The following TDRD3 variants were observed in gnomAD, a reference collection of about 807,000 sequenced individuals.
The protein encoded by TDRD3 is tudor domain-containing protein 3.
Under a neutral mutation model 86.7 loss-of-function variants are expected in TDRD3, and 45 were observed. That is an observed-to-expected ratio of 0.52 (90% CI 0.41 to 0.67). The LOEUF is 0.67. Among genes scored for constraint, TDRD3 ranks in the 30% least tolerant of loss-of-function variants. The pLI is 0.00. For missense variants in TDRD3, 814 were observed against 889.0 expected (o/e 0.92, Z 1.07); for synonymous variants, 298 against 301.7 (o/e 0.99, Z 0.13).
rs144553916 is a variant in TDRD3 at position 60,452,595 on chromosome 13, TA to T, written c.193-7784del. 4.0e-3 allele frequency among the ~76,000 whole-genome samples: 603 copies of T among 152,228 alleles called. 7 individuals are homozygous for T. Among genetic ancestry groups the T allele is most frequent in the African/African-American group, 0.013 (549 of 41,576 alleles). Reference sequence around the variant, plus strand: ...ATCTGGTTTCTTTCATTTAGTGTAATATTTTTTAGGATAATCGATAACATAG... The same window carrying T: ...ATCTGGTTTCTTTCATTTAGTGTAATTTTTTTAGGATAATCGATAACATAG... On this transcript the variant is annotated intron_variant, in intron 3 of 13. Transcript: ENST00000377881.
chr13:60,451,240 G>C (rs1037566396), intron 3 of TDRD3, among the ~76,000 whole-genome samples: 3 of 152,176 alleles, frequency 2.0e-5, no homozygotes, highest in Admixed American at 2.0e-4. Context: ...GTCAGGTGTA[G>C]CTGCCTTGGA....
chr13:60,562,171 G>C (rs764358357), intron 12 of TDRD3, among the ~76,000 whole-genome samples: 3 of 151,900 alleles, frequency 2.0e-5, no homozygotes, highest in African/African-American at 7.3e-5. Flanking sequence ...AAATTATCTG[G>C]GTTTGGTGGT....
rs1462516224 is a variant in TDRD3, at chr13:60,528,357, T to C, written c.1142-10T>C. The stretch of plus-strand genomic sequence containing the variant: ...TCTTAATTTGCATATGGTATACTTT[T>C]ACCTTTCAGAACCTAAATCACAGCC... On this transcript the variant is annotated splice_polypyrimidine_tract_variant and intron_variant, in intron 10 of 13. Coordinates refer to ENST00000377881, the MANE Select transcript of TDRD3 (RefSeq NM_001146070.2). 1.3e-6 allele frequency: 2 copies of C among 1,587,206 alleles called. No homozygotes were observed. Among genetic ancestry groups the C allele is most frequent in the Non-Finnish European group, 1.7e-6 (2 of 1,167,880 alleles).
At chr13:60,519,550 C>A (rs1371577576) in intron 10 of TDRD3, among the ~76,000 whole-genome samples, 2 of 151,922 alleles carry the variant, frequency 1.3e-5, no homozygotes, top group African/African-American at 4.8e-5. Flanking sequence ...GTTTTTTTAA[C>A]CCTGGCAGAA....
Position 60,425,250 on chromosome 13 carries a change from G to T in TDRD3, c.42-14438G>T, listed in dbSNP as rs535680027. Among the ~76,000 whole-genome samples, 339 of 152,284 alleles carry T rather than the reference G, an allele frequency of 2.2e-3. 7 individuals carry two copies. The highest frequency in any genetic ancestry group is 6.8e-3 in the Middle Eastern group (2 of 294). On this transcript the variant is annotated intron_variant, in intron 1 of 13. Transcript: ENST00000377881. ...GAAGACATAAAAATGTCTAAGAGGT[G>T]TATGAAAAGGTGCTCAAGATCACGA...
intron 7 of TDRD3, among the ~76,000 whole-genome samples, chr13:60,488,639 T>A (rs142915926): frequency 1.6e-3 from 236 of 152,248 alleles, no homozygotes; most frequent in African/African-American, 5.3e-3. Context: ...AGTGGCGCGA[T>A]CTTGGCTCAC....
chr13:60,473,409 G>A (rs897862857), intron 5 of TDRD3, among the ~76,000 whole-genome samples: 2 of 152,156 alleles, frequency 1.3e-5, no homozygotes, highest in African/African-American at 4.8e-5. Flanking sequence ...TAAATGAATT[G>A]CATTTTTTAA....
chr13:60,487,744 T>C (rs553679937), intron 7 of TDRD3, among the ~76,000 whole-genome samples: 1 of 152,264 alleles, frequency 6.6e-6, no homozygotes, highest in South Asian at 2.1e-4. Context: ...ATGGGAGATA[T>C]CTCTTTGACC....
chr13:60,408,089 CTG>C (rs1954276611), intron 1 of TDRD3, among the ~76,000 whole-genome samples: 1 of 151,926 alleles, frequency 6.6e-6, no homozygotes, highest in Non-Finnish European at 1.5e-5. Flanking sequence ...CCGTGTGGAA[CTG>C]TAAGCCCAAA....
At chr13:60,459,113 T>C (rs1199789950) in intron 3 of TDRD3, among the ~76,000 whole-genome samples, 3 of 152,194 alleles carry the variant, frequency 2.0e-5, no homozygotes, top group Non-Finnish European at 2.9e-5. Flanking sequence ...AAATTACTCC[T>C]TTTTTAGGCA....
intron 8 of TDRD3, among the ~76,000 whole-genome samples, chr13:60,499,295 C>G (rs1197190113): frequency 6.6e-6 from 1 of 152,186 alleles, no homozygotes; most frequent in Non-Finnish European, 1.5e-5. Flanking sequence ...GTGGTGACTC[C>G]AATTGCAGCT....
intron 12 of TDRD3, among the ~76,000 whole-genome samples, chr13:60,557,133 G>A (rs1958206930): frequency 6.6e-6 from 1 of 150,914 alleles, no homozygotes; most frequent in Admixed American, 6.6e-5. Context: ...TTGAACCCAG[G>A]AGGCGGAGCT....
chr13:60,471,416 CTG>C (rs1038865547), intron 5 of TDRD3, among the ~76,000 whole-genome samples: 27 of 152,058 alleles, frequency 1.8e-4, no homozygotes, highest in Middle Eastern at 3.2e-3. Context: ...TTATGCCACA[CTG>C]TTTTGATTAC....
At chr13:60,506,340 TGA>T (rs930097636) in intron 8 of TDRD3, among the ~76,000 whole-genome samples, 35 of 152,174 alleles carry the variant, frequency 2.3e-4, no homozygotes, top group Admixed American at 1.5e-3. Context: ...AAGAAAATGC[TGA>T]GAGATTTTAT....
At chr13:60,508,722 T>C (rs960764944) in intron 8 of TDRD3, among the ~76,000 whole-genome samples, 4 of 152,096 alleles carry the variant, frequency 2.6e-5, no homozygotes, top group Non-Finnish European at 5.9e-5. Context: ...ATATATTTCT[T>C]GTGAAAAAAG....
At chr13:60,484,674 A>ATTT in intron 6 of TDRD3, 6 of 388,634 alleles carry the variant, frequency 1.5e-5, no homozygotes, top group Admixed American at 8.6e-5. Flanking sequence ...AATAATGTTG[A>ATTT]TTTTTTTTTT....
intron 1 of TDRD3, among the ~76,000 whole-genome samples, chr13:60,409,826 G>A (rs1273717084): frequency 1.3e-5 from 2 of 152,160 alleles, no homozygotes; most frequent in African/African-American, 2.4e-5. Flanking sequence ...TGGACTGTTC[G>A]GAAGGCATGA....
In TDRD3 at chr13:60,441,092, T is replaced by C. The variant is rs1038628466; in HGVS notation, c.126+1320T>C. Reference sequence around the variant, plus strand: ...CTGAGCTAAGTATTTAGGTTTTTAATAAATAAAAGACTAATTTTTTAATAA... The same window carrying C: ...CTGAGCTAAGTATTTAGGTTTTTAACAAATAAAAGACTAATTTTTTAATAA... On this transcript the variant is annotated intron_variant, in intron 2 of 13. Transcript: ENST00000377881. Among the ~76,000 whole-genome samples, 6 of 152,264 alleles carry C rather than the reference T, an allele frequency of 3.9e-5. No homozygotes were observed. The East Asian group carries it at 1.2e-3, about 29-fold the overall frequency.
chr13:60,486,015 G>T, intron 7 of TDRD3, 67 bp downstream of exon 7: 1 of 1,437,054 alleles, frequency 7.0e-7, no homozygotes, highest in Non-Finnish European at 9.2e-7. Context: ...ATTTGTGATC[G>T]TTATTGTCTT....
Sources: gnomAD v4.1 joint callset for allele counts (sites outside exome capture counted in the v4.1 genomes callset) on GRCh38, gnomAD v4.1.1 for gene constraint, MANE v1.5 for transcripts, NCBI Gene and HGNC (gene_info 2026-07-23, HGNC 2026-07-21) for gene names.